The following MMS22L variants were observed in gnomAD, a reference collection of about 807,000 sequenced individuals.
MMS22L encodes MMS22 like, DNA repair protein.
Under a neutral mutation model 159.1 loss-of-function variants are expected in MMS22L, and 74 were observed. That is an observed-to-expected ratio of 0.47 (90% CI 0.39 to 0.56). The LOEUF (loss-of-function observed/expected upper bound fraction) is 0.56. Among genes scored for constraint, MMS22L ranks in the 20% least tolerant of loss-of-function variants. The probability of loss-of-function intolerance (pLI) is 0.00; values close to 1 mark genes in which losing one functional copy is unlikely to be tolerated. For synonymous variants in MMS22L, 517 were observed against 506.9 expected (o/e 1.02, Z -0.27); for missense variants, 1,351 against 1,422.1 (o/e 0.95, Z 0.80).
chr6:97,196,137 A>C (rs746948577), intron 14 of MMS22L, among the ~76,000 whole-genome samples: 13 of 152,180 alleles, frequency 8.5e-5, no homozygotes, highest in Non-Finnish European at 1.9e-4. Flanking sequence ...TGAACACGTC[A>C]ATGTCTGTTA....
At position 97,168,077 on chromosome 6, in the gene MMS22L, A is replaced by G. The variant is rs1803157225; in HGVS notation, c.3003T>C (p.Tyr1001=). 1.9e-6 allele frequency: 3 copies of G among 1,607,264 alleles called. No homozygotes were observed. The change falls in exon 20 of 25, where the codon TAT becomes TAC. Residue 1001 remains tyrosine, a synonymous_variant. Transcript: ENST00000683635. The part of the protein sequence containing the change: ...LSAIQKSLPL[Y]LQGMCIVCCQ... ...GCAACCACAGATACTATACCTGGAG[A>G]TACAAAGGAAGACTTTTCTGAATTG...
intron 11 of MMS22L, among the ~76,000 whole-genome samples, chr6:97,242,854 G>A (rs915971502): frequency 1.3e-5 from 2 of 152,152 alleles, no homozygotes; most frequent in African/African-American, 4.8e-5. Context: ...AGTTTCACTG[G>A]ACACAACATT....
chr6:97,180,512 C>G (rs1370874807), intron 16 of MMS22L, among the ~76,000 whole-genome samples: 1 of 151,976 alleles, frequency 6.6e-6, no homozygotes, highest in African/African-American at 2.4e-5. Context: ...TTCATACAAA[C>G]CACAAATCTA....
At chr6:97,284,018 A>G (rs1188189080), upstream of MMS22L, among the ~76,000 whole-genome samples, 1 of 152,224 alleles carries the variant, frequency 6.6e-6, no homozygotes, top group East Asian at 1.9e-4. Flanking sequence ...TAAAATTTGT[A>G]ACAGTACCTG....
At chr6:97,176,662 A>G (rs1049392093) in intron 18 of MMS22L, among the ~76,000 whole-genome samples, 1 of 152,150 alleles carries the variant, frequency 6.6e-6, no homozygotes, top group Non-Finnish European at 1.5e-5. Context: ...CCCAATAATA[A>G]CCATGGGCAC....
At chr6:97,282,220 G>A (rs1816816260) in intron 2 of MMS22L, 94 bp downstream of exon 2, 3 of 1,301,192 alleles carry the variant, frequency 2.3e-6, no homozygotes, top group South Asian at 1.4e-5. Context: ...ACACGACTTG[G>A]TGAACACCAA....
In MMS22L at chr6:97,229,366, G is replaced by A. The variant is rs12661745; in HGVS notation, c.1567C>T (p.Leu523=). 6.3e-7 allele frequency: 1 copy of A among 1,587,544 alleles called. No individual in the cohort carries two copies. The part of the protein sequence containing the change: ...SKFHQKRMEE[L]TEVGLQNFFS... ...AAGTTCTGTAGACCAACTTCAGTTA[G>A]TTCTTCCATTCTTTTTTGATGGAAT... Residue 523 remains leucine (L), a synonymous_variant, in exon 14 of 25, where the codon CTA becomes TTA. Transcript: ENST00000683635.
In MMS22L at chr6:97,186,564, A is replaced by G. The variant is rs752538472; in HGVS notation, c.2166T>C (p.Phe722=). 1 of 1,612,678 alleles carries G rather than the reference A, an allele frequency of 6.2e-7. No homozygotes were observed. Among genetic ancestry groups the G allele is most frequent in the Non-Finnish European group, 8.5e-7 (1 of 1,179,422 alleles). The part of the protein sequence containing the change: ...AVASALWRHF[F]SFLKSQRMSQ... ...ACATTCTCTGACTCTTCAAAAATGAAAAGAAATGTCTCCACAGTGCACTGG... is the reference window on the plus strand; with the variant it reads ...ACATTCTCTGACTCTTCAAAAATGAGAAGAAATGTCTCCACAGTGCACTGG... The change falls in exon 15 of 25, where the codon TTT becomes TTC. Residue 722 remains phenylalanine, a synonymous_variant. Coordinates refer to ENST00000683635, the MANE Select transcript of MMS22L (RefSeq NM_001350599.2).
At chr6:97,166,534 C>A (rs1349907450) in intron 20 of MMS22L, among the ~76,000 whole-genome samples, 1 of 151,990 alleles carries the variant, frequency 6.6e-6, no homozygotes. Context: ...CCCAACCCAC[C>A]CGCCACCACC....
rs1293615532 is a variant in MMS22L, at chr6:97,283,203, C to G, written c.-184G>C. 1.3e-5 allele frequency: 2 copies of G among 152,298 alleles called. No individual in the cohort carries two copies. Among genetic ancestry groups the G allele is most frequent in the African/African-American group, 4.8e-5 (2 of 41,476 alleles). 9.4% of individuals were successfully genotyped at this position (152,298 alleles called of 1,614,324 possible). ...GGCGAAATTCCCGCCACCGCGCGCCCGCGCTCCGGAAAGGCGGGGCCACGG... is the reference window on the plus strand; with the variant it reads ...GGCGAAATTCCCGCCACCGCGCGCCGGCGCTCCGGAAAGGCGGGGCCACGG... On this transcript the variant is annotated 5_prime_UTR_variant, in exon 1 of 25. Coordinates refer to ENST00000683635, the MANE Select transcript of MMS22L (RefSeq NM_001350599.2).
intron 4 of MMS22L, among the ~76,000 whole-genome samples, chr6:97,278,267 G>C (rs1816434465): frequency 1.3e-5 from 2 of 152,088 alleles, no homozygotes; most frequent in Middle Eastern, 6.8e-3. Flanking sequence ...GCTGGGGGTG[G>C]TGGCAGGTGC....
chr6:97,196,505 T>C (rs1806525315), intron 14 of MMS22L, among the ~76,000 whole-genome samples: 2 of 152,134 alleles, frequency 1.3e-5, no homozygotes, highest in Admixed American at 6.6e-5. Context: ...TAACTATACA[T>C]TTGTATAATG....
chr6:97,217,985 C>T (rs944588524), intron 14 of MMS22L, among the ~76,000 whole-genome samples: 9 of 152,118 alleles, frequency 5.9e-5, no homozygotes, highest in Non-Finnish European at 1.0e-4. Context: ...TTCCTGCAGA[C>T]CCAGCCTTGA....
chr6:97,279,880 G>C (rs1416383815), intron 3 of MMS22L, among the ~76,000 whole-genome samples: 1 of 151,814 alleles, frequency 6.6e-6, no homozygotes, highest in African/African-American at 2.4e-5. Flanking sequence ...TTATACAATA[G>C]AAGTTCAAAA....
Position 97,168,115 on chromosome 6 carries a change from G to A in MMS22L, c.2965C>T (p.Pro989Ser), listed in dbSNP as rs370393299. Residue 989 changes from proline to serine, a missense_variant, in exon 20 of 25, where the codon CCT becomes TCT. Pro to Ser is a moderately conservative substitution (Grantham distance 74). Transcript: ENST00000683635. ...CTTTTCTGAATTGCTGACAACATAGGTGCAGGCAGTTCCTTCTCTTGCTGT... is the reference window on the plus strand; with the variant it reads ...CTTTTCTGAATTGCTGACAACATAGATGCAGGCAGTTCCTTCTCTTGCTGT... ...VLQQEKELPA[P>S]MLSAIQKSLP... The A allele has an allele frequency of 2.0e-5, 33 of 1,612,888 alleles. No individual in the cohort carries two copies. The African/African-American group carries it at 4.0e-4, about 20-fold the overall frequency.
At chr6:97,216,092 G>A (rs899708002) in intron 14 of MMS22L, among the ~76,000 whole-genome samples, 41 of 152,018 alleles carry the variant, frequency 2.7e-4, no homozygotes, top group African/African-American at 8.9e-4. Context: ...TCCACAAGGC[G>A]GATGAAGAAA....
chr6:97,202,572 T>C (rs955468456), intron 14 of MMS22L, among the ~76,000 whole-genome samples: 1 of 152,172 alleles, frequency 6.6e-6, no homozygotes, highest in Non-Finnish European at 1.5e-5. Flanking sequence ...ATTTGGTTTT[T>C]TAGATACTGT....
intron 14 of MMS22L, among the ~76,000 whole-genome samples, chr6:97,204,440 G>A (rs139022488): frequency 1.3e-5 from 2 of 152,268 alleles, no homozygotes; most frequent in Non-Finnish European, 2.9e-5. Context: ...AACAGTGAAC[G>A]TGAAAGAAAT....
At chr6:97,267,796 T>C in intron 8 of MMS22L, 76 bp downstream of exon 8, 4 of 1,268,050 alleles carry the variant, frequency 3.2e-6, no homozygotes, top group Non-Finnish European at 4.1e-6. Context: ...GTTTAAATTC[T>C]TACAGATTAA....
Sources: allele counts gnomAD v4.1 joint callset (sites outside exome capture counted in the v4.1 genomes callset), GRCh38; gene constraint gnomAD v4.1.1; transcripts MANE v1.5; gene names NCBI Gene and HGNC (gene_info 2026-07-23, HGNC 2026-07-21).